TAB3: variants seen among roughly 807,000 people sequenced by gnomAD.
TAB3 encodes the protein TGF-beta activated kinase 1 (MAP3K7) binding protein 3, also known as TGF-beta-activated kinase 1 and MAP3K7-binding protein 3.
Under a neutral mutation model 48.1 loss-of-function variants are expected in TAB3, and 18 were observed. The ratio of observed to expected loss-of-function variants is 0.37; its 90% CI spans 0.26 to 0.55. TAB3 has a LOEUF of 0.55. Among genes scored for constraint, TAB3 ranks in the 20% least tolerant of loss-of-function variants. The pLI is 0.78. For synonymous variants in TAB3, 185 were observed against 190.2 expected (o/e 0.97, Z 0.22); for missense variants, 414 against 549.8 (o/e 0.75, Z 2.47).
At chrX:30,860,343 G>A (rs771864937) in intron 4 of TAB3, among the ~76,000 whole-genome samples, 443 of 111,875 alleles carry the variant, frequency 4.0e-3, no homozygotes, top group Middle Eastern at 0.014. Flanking sequence ...TCTGGATGAA[G>A]AGTAGGAAAT....
At chrX:30,849,706 C>G (rs1938767415) in intron 7 of TAB3, among the ~76,000 whole-genome samples, 1 of 112,386 alleles carries the variant, frequency 8.9e-6, no homozygotes, top group Non-Finnish European at 1.9e-5. Flanking sequence ...GCAATTCTGA[C>G]TCCCAAGCCT....
chrX:30,837,071 C>T (rs1938256666), intron 9 of TAB3, among the ~76,000 whole-genome samples: 1 of 74,703 alleles, frequency 1.3e-5, no homozygotes, highest in Admixed American at 2.0e-4. Context: ...TTTTTGGAGA[C>T]AGCATCTTGC....
chrX:30,849,882 T>C (rs1401402645), intron 7 of TAB3, among the ~76,000 whole-genome samples: 9 of 112,585 alleles, frequency 8.0e-5, no homozygotes, highest in African/African-American at 9.7e-5. Flanking sequence ...TTCAGATTTA[T>C]GTGTCTAAAC....
intron 7 of TAB3, among the ~76,000 whole-genome samples, chrX:30,847,619 A>G (rs1601809694): frequency 9.0e-6 from 1 of 110,811 alleles, no homozygotes; most frequent in Non-Finnish European, 1.9e-5. Context: ...GATTTTAACT[A>G]TAACATATAA....
At chrX:30,884,337 C>T (rs2147418248) in intron 1 of TAB3, among the ~76,000 whole-genome samples, 1 of 111,765 alleles carries the variant, frequency 8.9e-6, no homozygotes, top group South Asian at 3.7e-4. Context: ...AAATATGATA[C>T]ATCCTCTGGC....
chrX:30,843,735 A>G (rs1230878313), intron 8 of TAB3: 3 of 111,477 alleles, frequency 2.7e-5, no homozygotes, highest in African/African-American at 9.8e-5. Flanking sequence ...TCTTGCCACA[A>G]AATTTTCACC....
Position 30,830,572 on chromosome X carries a change from C to T in TAB3, c.*855G>A, listed in dbSNP as rs142193731. 4.4e-4 allele frequency: 49 copies of T among 112,311 alleles called. No homozygotes were observed. Among genetic ancestry groups the T allele is most frequent in the East Asian group, 2.5e-3 (9 of 3,573 alleles). 9.3% of individuals were successfully genotyped at this position (112,311 alleles called of 1,213,427 possible). A position where few individuals can be genotyped will look rare whatever the true frequency, so the allele number is the denominator to read the frequency against. ...TACATTCACTGTGCTACTGGCAAAG[C>T]GCAGTTTTACGAGAATATCATTTAT... On this transcript the variant is annotated 3_prime_UTR_variant, in exon 11 of 11. Transcript: ENST00000288422.
At chrX:30,866,377 T>C (rs910821763) in intron 4 of TAB3, among the ~76,000 whole-genome samples, 7 of 110,873 alleles carry the variant, frequency 6.3e-5, no homozygotes, top group African/African-American at 2.3e-4. Context: ...CAGCACCCAG[T>C]TCTTGATTTC....
rs1193331871 is a variant in TAB3, at chrX:30,855,175, G to A, written c.490C>T (p.Gln164Ter). Reference protein sequence around the residue: ...SQPPQQPSSMQTGMNPSAMQG... With the variant: ...SQPPQQPSSM ...ATAGCAGACGGATTCATTCCTGTTTGCATGGAAGATGGCTGTTGAGGTGGT... is the reference window on the plus strand; with the variant it reads ...ATAGCAGACGGATTCATTCCTGTTTACATGGAAGATGGCTGTTGAGGTGGT... Residue 164 changes from glutamine (Q) to a stop codon, truncating the protein, a stop_gained, in exon 6 of 11, where the codon CAA becomes TAA. Transcript: ENST00000288422. LOFTEE classifies it high-confidence loss of function. The A allele has an allele frequency of 8.3e-7, 1 of 1,210,110 alleles. No homozygotes were observed.
intron 1 of TAB3, among the ~76,000 whole-genome samples, chrX:30,881,582 C>A (rs923247975): frequency 4.5e-5 from 5 of 111,620 alleles, no homozygotes; most frequent in African/African-American, 1.6e-4. Context: ...AATTGATAAA[C>A]TGACTTATAT....
intron 8 of TAB3, chrX:30,844,762 T>TTCTG (rs1480057379): frequency 1.8e-5 from 2 of 112,550 alleles, no homozygotes; most frequent in Non-Finnish European, 3.8e-5. Flanking sequence ...TCAAATTTGC[T>TTCTG]TCTGTCTGTT....
chrX:30,850,836 TC>T (rs1461762103), intron 7 of TAB3, among the ~76,000 whole-genome samples: 1 of 51,979 alleles, frequency 1.9e-5, no homozygotes, highest in Non-Finnish European at 3.7e-5. Flanking sequence ...GTTCTCCACT[TC>T]CAATGAAAAA....
chrX:30,834,350 A>T (rs140121568), intron 9 of TAB3, among the ~76,000 whole-genome samples, 198 bp from the exon 10 acceptor site: 2,027 of 111,569 alleles, frequency 0.018, 39 homozygotes, highest in African/African-American at 0.055. Flanking sequence ...GGTTCTTACA[A>T]CTTTTTTCCA....
At position 30,842,399 on chromosome X, in the gene TAB3, A is replaced by G. The variant is rs375215277; in HGVS notation, c.1888+567T>C. ...TTAAAATCCTCATTATTTTATGAGAATTATCTTTTAGGGTTATAGTTTTTA... is the reference window on the plus strand; with the variant it reads ...TTAAAATCCTCATTATTTTATGAGAGTTATCTTTTAGGGTTATAGTTTTTA... On this transcript the variant is annotated intron_variant, in intron 9 of 10. Coordinates refer to ENST00000288422, the MANE Select transcript of TAB3 (RefSeq NM_152787.5). 2.3e-4 allele frequency among the ~76,000 whole-genome samples: 26 copies of G among 111,934 alleles called. No homozygotes were observed. The East Asian group carries it at 7.3e-3, about 31-fold the overall frequency.
chrX:30,874,249 G>C (rs965216014), intron 1 of TAB3, among the ~76,000 whole-genome samples: 1 of 111,907 alleles, frequency 8.9e-6, no homozygotes, highest in Non-Finnish European at 1.9e-5. Context: ...TCCTAACTTC[G>C]GCTTTGTTCA....
In TAB3 at chrX:30,854,557, C is replaced by A; in HGVS notation, c.1108G>T (p.Val370Phe). The A allele has an allele frequency of 8.3e-7, 1 of 1,210,944 alleles. No homozygotes were observed. The highest frequency in any genetic ancestry group is 1.1e-6 in the Non-Finnish European group (1 of 894,844). The change falls in exon 6 of 11, where the codon GTT (valine) becomes TTT (phenylalanine). Residue 370 changes from valine to phenylalanine, a missense_variant. Physicochemically the swap from Val to Phe is conservative, Grantham distance 50. Coordinates refer to ENST00000288422, the MANE Select transcript of TAB3 (RefSeq NM_152787.5). Reference sequence around the variant, plus strand: ...GTCCCAGGTCTTTGAGAAGGTTCAACTGTAATTTCTATCTTCTTCATGGAA... The same window carrying A: ...GTCCCAGGTCTTTGAGAAGGTTCAAATGTAATTTCTATCTTCTTCATGGAA... ...KGSMKKIEIT[V>F]EPSQRPGTAI...
intron 1 of TAB3, among the ~76,000 whole-genome samples, chrX:30,875,289 A>G (rs1232254586): frequency 2.7e-5 from 3 of 112,293 alleles, no homozygotes; most frequent in Non-Finnish European, 5.6e-5. Flanking sequence ...CGAGTTACTT[A>G]ACCTCTTAGG....
At chrX:30,849,671 TC>T (rs996042493) in intron 7 of TAB3, among the ~76,000 whole-genome samples, 20 of 112,271 alleles carry the variant, frequency 1.8e-4, no homozygotes, top group South Asian at 7.3e-4. Context: ...TGCAGAGAAA[TC>T]AGATATAGCC....
chrX:30,876,601 G>A (rs1041798920), intron 1 of TAB3, among the ~76,000 whole-genome samples: 1 of 111,431 alleles, frequency 9.0e-6, no homozygotes, highest in Admixed American at 9.5e-5. Flanking sequence ...GACCTCTGGG[G>A]CTCAGGTGAT....
Sources: gnomAD v4.1 joint callset for allele counts (sites outside exome capture counted in the v4.1 genomes callset) on GRCh38, gnomAD v4.1.1 for gene constraint, MANE v1.5 for transcripts, NCBI Gene and HGNC (gene_info 2026-07-23, HGNC 2026-07-21) for gene names.